SUGCT: variants seen among roughly 807,000 people sequenced by gnomAD.
The protein encoded by SUGCT is succinyl-CoA:glutarate CoA-transferase.
Under a neutral mutation model 55.0 loss-of-function variants are expected in SUGCT, and 41 were observed. That is an observed-to-expected ratio of 0.74 (90% CI 0.58 to 0.97). The LOEUF (loss-of-function observed/expected upper bound fraction) is 0.97, where lower values mean the gene tolerates loss of function less well. Ranked by LOEUF, SUGCT falls within the 50% of genes least tolerant of loss-of-function variation. The pLI is 0.00. For synonymous variants in SUGCT, 187 were observed against 200.4 expected (o/e 0.93, Z 0.56); for missense variants, 568 against 547.8 (o/e 1.04, Z -0.37).
chr7:40,327,590 C>T (rs919720327), intron 9 of SUGCT, among the ~76,000 whole-genome samples: 4 of 152,136 alleles, frequency 2.6e-5, no homozygotes, highest in East Asian at 1.9e-4. Flanking sequence ...AAATGTGTTT[C>T]GCTAAGAGGT....
At chr7:40,559,605 A>G (rs1319094699) in intron 12 of SUGCT, among the ~76,000 whole-genome samples, 2 of 152,330 alleles carry the variant, frequency 1.3e-5, no homozygotes, top group Admixed American at 6.5e-5. Context: ...GAATCAGTTG[A>G]TAAGTTTGAC....
chr7:40,451,841 A>AT (rs1009267043), intron 10 of SUGCT, among the ~76,000 whole-genome samples: 18 of 151,308 alleles, frequency 1.2e-4, no homozygotes, highest in Non-Finnish European at 1.9e-4. Context: ...TCTTCTAAGC[A>AT]TTTTTTTTTA....
chr7:40,464,701 C>T (rs964337130), intron 11 of SUGCT, among the ~76,000 whole-genome samples: 6 of 152,214 alleles, frequency 3.9e-5, no homozygotes, highest in South Asian at 2.1e-4. Context: ...ACTGGCCCTG[C>T]TGGCATGTGC....
the SUGCT span, among the ~76,000 whole-genome samples, chr7:40,888,783 G>A: frequency 6.6e-6 from 1 of 152,140 alleles, no homozygotes; most frequent in African/African-American, 2.4e-5. Flanking sequence ...CAGGTGGAAG[G>A]GAGGTGTCAA....
At chr7:40,876,488 A>G in the SUGCT span, among the ~76,000 whole-genome samples, 1 of 152,166 alleles carries the variant, frequency 6.6e-6, no homozygotes, top group Non-Finnish European at 1.5e-5. Flanking sequence ...GGGCATATTG[A>G]AGTTTCTAGA....
At chr7:40,265,986 A>T (rs998256652) in intron 7 of SUGCT, among the ~76,000 whole-genome samples, 2 of 151,996 alleles carry the variant, frequency 1.3e-5, no homozygotes, top group Non-Finnish European at 2.9e-5. Context: ...CAAACAAAAA[A>T]CAAAAACCTT....
intron 11 of SUGCT, among the ~76,000 whole-genome samples, chr7:40,465,890 T>A (rs1790079449): frequency 6.6e-6 from 1 of 151,944 alleles, no homozygotes; most frequent in Admixed American, 6.6e-5. Flanking sequence ...TAAATAAATA[T>A]ATTTTTTTTG....
At chr7:40,730,562 A>G (rs537929718) in intron 12 of SUGCT, among the ~76,000 whole-genome samples, 1 of 152,274 alleles carries the variant, frequency 6.6e-6, no homozygotes, top group South Asian at 2.1e-4. Context: ...GAACACTTAA[A>G]ATCTACTCTC....
chr7:40,734,097 T>G (rs1454769240), intron 12 of SUGCT, among the ~76,000 whole-genome samples: 1 of 152,204 alleles, frequency 6.6e-6, no homozygotes, highest in Non-Finnish European at 1.5e-5. Context: ...CAGTAGAGTT[T>G]ACAACACATT....
the SUGCT span, among the ~76,000 whole-genome samples, chr7:40,955,676 T>C: frequency 6.6e-6 from 1 of 152,140 alleles, no homozygotes. Context: ...CTATGTTGAA[T>C]AGGAGTGAGA....
intron 1 of SUGCT, among the ~76,000 whole-genome samples, chr7:40,155,025 G>A (rs762478730): frequency 6.6e-6 from 1 of 152,240 alleles, no homozygotes; most frequent in East Asian, 1.9e-4. Context: ...GGTGGCTCAC[G>A]CCTGTAATCC....
intron 6 of SUGCT, among the ~76,000 whole-genome samples, chr7:40,209,191 A>C (rs1328908224): frequency 6.6e-6 from 1 of 152,182 alleles, no homozygotes; most frequent in Non-Finnish European, 1.5e-5. Flanking sequence ...AGAGTTGCTG[A>C]TGTTACTTCA....
At chr7:40,171,157 CT>C (rs926540311) in intron 1 of SUGCT, among the ~76,000 whole-genome samples, 7 of 152,310 alleles carry the variant, frequency 4.6e-5, no homozygotes, top group African/African-American at 1.4e-4. Context: ...CGACCTTAAA[CT>C]TTTTCTTGCC....
intron 9 of SUGCT, among the ~76,000 whole-genome samples, chr7:40,431,151 G>C (rs1052425173): frequency 2.0e-5 from 3 of 151,010 alleles, no homozygotes; most frequent in Non-Finnish European, 2.9e-5. Flanking sequence ...TTAATGGCCT[G>C]TGGATACTGA....
chr7:40,610,540 A>G (rs889927275), intron 12 of SUGCT, among the ~76,000 whole-genome samples: 1 of 152,208 alleles, frequency 6.6e-6, no homozygotes, highest in African/African-American at 2.4e-5. Flanking sequence ...TCAGAAAAAA[A>G]TTCTAGGAAA....
intron 13 of SUGCT, among the ~76,000 whole-genome samples, chr7:40,811,832 G>T (rs1293258206): frequency 1.3e-5 from 2 of 152,016 alleles, no homozygotes; most frequent in Non-Finnish European, 2.9e-5. Context: ...TAGACATCCT[G>T]GTCTTGTTCC....
At chr7:40,537,074 C>T (rs548159527) in intron 12 of SUGCT, among the ~76,000 whole-genome samples, 6 of 152,232 alleles carry the variant, frequency 3.9e-5, no homozygotes, top group African/African-American at 1.4e-4. Context: ...ATCTGGAAAT[C>T]GCTTTTGGTT....
intron 3 of SUGCT, among the ~76,000 whole-genome samples, chr7:40,185,917 G>T (rs1258644207): frequency 6.6e-6 from 1 of 151,792 alleles, no homozygotes; most frequent in Non-Finnish European, 1.5e-5. Flanking sequence ...AATTGTTTTG[G>T]GTTTTTGAGA....
At chr7:40,328,015 G>T (rs1796104166) in intron 9 of SUGCT, among the ~76,000 whole-genome samples, 2 of 152,128 alleles carry the variant, frequency 1.3e-5, no homozygotes, top group South Asian at 4.1e-4. Context: ...ACTGAGGCAG[G>T]GGGACTTGAG....
Sources: gnomAD v4.1 joint callset for allele counts (sites outside exome capture counted in the v4.1 genomes callset) on GRCh38, gnomAD v4.1.1 for gene constraint, MANE v1.5 for transcripts, NCBI Gene and HGNC (gene_info 2026-07-23, HGNC 2026-07-21) for gene names.